GABRB3: variants seen among roughly 807,000 people sequenced by gnomAD.
The protein encoded by GABRB3 is gamma-aminobutyric acid type A receptor subunit beta3.
Under a neutral mutation model 52.1 loss-of-function variants are expected in GABRB3, and 14 were observed. The observed-to-expected ratio is 0.27, with a 90% CI of 0.18 to 0.42. The LOEUF (loss-of-function observed/expected upper bound fraction) is 0.42. GABRB3 is among the 10% of genes least tolerant of loss of function. The pLI, the probability that GABRB3 is intolerant of heterozygous loss-of-function variation, is 1.00. For synonymous variants in GABRB3, 260 were observed against 232.3 expected, an observed-to-expected ratio of 1.12 and a Z score of -1.08; for missense variants, 307 against 609.1, an observed-to-expected ratio of 0.50 and a Z score of 5.22.
chr15:26,687,691 C>A (rs1888450739), intron 3 of GABRB3, among the ~76,000 whole-genome samples: 2 of 152,164 alleles, frequency 1.3e-5, no homozygotes, highest in Admixed American at 6.5e-5. Context: ...GTTTGACTGA[C>A]AAGAGCAAAA....
intron 4 of GABRB3, among the ~76,000 whole-genome samples, chr15:26,608,074 T>C (rs1355333804): frequency 1.4e-5 from 2 of 142,962 alleles, no homozygotes; most frequent in Non-Finnish European, 3.0e-5. Flanking sequence ...ACTACAAAGC[T>C]ATAGTAATTA....
intron 3 of GABRB3, among the ~76,000 whole-genome samples, chr15:26,722,429 T>A (rs1889666426): frequency 6.6e-6 from 1 of 152,200 alleles, no homozygotes; most frequent in Non-Finnish European, 1.5e-5. Context: ...ATTAGGGTCT[T>A]GGCGACATAG....
chr15:26,678,556 A>ATGAGAG (rs1162342483), intron 3 of GABRB3, among the ~76,000 whole-genome samples: 1 of 151,662 alleles, frequency 6.6e-6, no homozygotes, highest in African/African-American at 2.4e-5. Flanking sequence ...GAGAGAGAGA[A>ATGAGAG]TGAGAGTGAG....
intron 3 of GABRB3, among the ~76,000 whole-genome samples, chr15:26,676,902 T>C (rs1486881435): frequency 6.6e-6 from 1 of 152,224 alleles, no homozygotes; most frequent in Non-Finnish European, 1.5e-5. Context: ...TAAAAATTTA[T>C]ATAGTGACTT....
intron 4 of GABRB3, chr15:26,611,836 A>G (rs1892081890): frequency 1.3e-5 from 2 of 152,222 alleles, no homozygotes; most frequent in African/African-American, 4.8e-5. Flanking sequence ...AAAGTAAATA[A>G]GAAATATTGT....
intron 3 of GABRB3, among the ~76,000 whole-genome samples, chr15:26,749,159 T>G (rs1008390642): frequency 6.6e-6 from 1 of 152,154 alleles, no homozygotes; most frequent in Admixed American, 6.5e-5. Flanking sequence ...AATCGTTCAG[T>G]GCTACAATTT....
At chr15:26,577,131 G>T (rs1890621298) in intron 6 of GABRB3, among the ~76,000 whole-genome samples, 1 of 152,064 alleles carries the variant, frequency 6.6e-6, no homozygotes, top group Non-Finnish European at 1.5e-5. Context: ...AGAGAGAATG[G>T]GGCAGAGGCA....
At chr15:26,576,526 C>A (rs546028045) in intron 6 of GABRB3, among the ~76,000 whole-genome samples, 1 of 151,546 alleles carries the variant, frequency 6.6e-6, no homozygotes, top group Non-Finnish European at 1.5e-5. Flanking sequence ...CTACTGAAAC[C>A]GACTGGAAAA....
intron 3 of GABRB3, among the ~76,000 whole-genome samples, chr15:26,732,292 A>AGATG (rs5811444): frequency 0.065 from 9,539 of 146,758 alleles, 339 homozygotes; most frequent in Admixed American, 0.082. Flanking sequence ...ATGGATGGAT[A>AGATG]GATGGATGGA....
intron 4 of GABRB3, among the ~76,000 whole-genome samples, chr15:26,595,830 C>T (rs1371191530): frequency 6.6e-6 from 1 of 152,162 alleles, no homozygotes; most frequent in African/African-American, 2.4e-5. Context: ...GCATTCTTGC[C>T]TCTCCCTGAG....
intron 6 of GABRB3, among the ~76,000 whole-genome samples, chr15:26,579,397 C>T (rs1158508491): frequency 1.3e-5 from 2 of 152,148 alleles, no homozygotes; most frequent in East Asian, 3.9e-4. Flanking sequence ...GAGGAAGTAG[C>T]GCCAGATGAA....
chr15:26,665,765 TA>T (rs1887690735), intron 3 of GABRB3, among the ~76,000 whole-genome samples: 1 of 152,322 alleles, frequency 6.6e-6, no homozygotes, highest in East Asian at 1.9e-4. Context: ...CATACAGGCT[TA>T]TGTGTTGTTG....
At position 26,567,642 on chromosome 15, in the gene GABRB3, C is replaced by T. The variant is rs779417468; in HGVS notation, c.774G>A (p.Thr258=). The change falls in exon 7 of 9, where the codon ACG becomes ACA. Residue 258 remains threonine, a synonymous_variant. Coordinates refer to ENST00000311550, the MANE Select transcript of GABRB3 (RefSeq NM_000814.6). ...LQTYMPSILI[T]ILSWVSFWIN... The stretch of plus-strand genomic sequence containing the variant: ...TCCAGAAGGACACCCACGACAGAAT[C>T]GTTATCAGTATAGAGGGCATATAAG... 6 of 1,613,992 alleles carry T rather than the reference C, an allele frequency of 3.7e-6. No individual in the cohort carries two copies. The Admixed American group carries it at 5.0e-5, about 13-fold the overall frequency.
chr15:26,547,612 C>A lies in GABRB3; in HGVS notation c.*181G>T. Reference sequence around the variant, plus strand: ...TGTGTATAAACATATACACATACATCCTCATATACACGTGTATTTTATATA... The same window carrying A: ...TGTGTATAAACATATACACATACATACTCATATACACGTGTATTTTATATA... On this transcript the variant is annotated 3_prime_UTR_variant, in exon 9 of 9. Coordinates refer to ENST00000311550, the MANE Select transcript of GABRB3 (RefSeq NM_000814.6). 1.6e-6 allele frequency: 1 copy of A among 620,748 alleles called. No homozygotes were observed. 38.5% of individuals were successfully genotyped at this position (620,748 alleles called of 1,614,324 possible). A position where few individuals can be genotyped will look rare whatever the true frequency, so the allele number is the denominator to read the frequency against.
intron 4 of GABRB3, chr15:26,614,640 T>C (rs1301498439): frequency 6.6e-6 from 1 of 152,184 alleles, no homozygotes; most frequent in Non-Finnish European, 1.5e-5. Context: ...CGAGACCTAA[T>C]ACCTCTGTGA....
chr15:26,560,459 T>C (rs1172501266), intron 8 of GABRB3, among the ~76,000 whole-genome samples: 1 of 152,090 alleles, frequency 6.6e-6, no homozygotes, highest in African/African-American at 2.4e-5. Context: ...AAGAATGCAC[T>C]CCACTTCTCA....
rs1461578711 is a variant in GABRB3, at chr15:26,640,022, C to T, written c.241-18488G>A. Among the ~76,000 whole-genome samples the T allele has an allele frequency of 2.0e-5, 3 of 152,304 alleles. No homozygotes were observed. The East Asian group carries it at 5.8e-4, about 29-fold the overall frequency. ...TAAATAAACAAGAACTATTAAATTA[C>T]TCAAAACGGAGAGCATTGTTTTAAT... On this transcript the variant is annotated intron_variant, in intron 3 of 8. Transcript: ENST00000311550.
chr15:26,560,740 C>T (rs1283893245), intron 8 of GABRB3, among the ~76,000 whole-genome samples, 192 bp downstream of exon 8: 1 of 152,190 alleles, frequency 6.6e-6, no homozygotes, highest in East Asian at 1.9e-4. Context: ...CAGGACTCCA[C>T]TGGACTGGTT....
intron 3 of GABRB3, chr15:26,629,186 A>G: frequency 6.8e-7 from 1 of 1,467,386 alleles, no homozygotes; most frequent in Non-Finnish European, 9.0e-7. Context: ...CGGGAGACGG[A>G]GGGCTTTGCG....
Sources: gnomAD v4.1 joint callset for allele counts (sites outside exome capture counted in the v4.1 genomes callset) on GRCh38, gnomAD v4.1.1 for gene constraint, MANE v1.5 for transcripts, NCBI Gene and HGNC (gene_info 2026-07-23, HGNC 2026-07-21) for gene names.